Variants in NTMT1 observed in about 807,000 individuals in gnomAD.
NTMT1 encodes N-terminal Xaa-Pro-Lys N-methyltransferase 1.
A neutral mutation model predicts 17.5 loss-of-function variants in NTMT1; 8 were observed. The observed-to-expected ratio is 0.46, with a 90% CI of 0.27 to 0.82. The LOEUF (loss-of-function observed/expected upper bound fraction) is 0.82. Among genes scored for constraint, NTMT1 ranks in the 40% least tolerant of loss-of-function variants. The pLI is 0.15. For missense variants in NTMT1, 221 were observed against 303.5 expected (o/e 0.73, Z 2.02); for synonymous variants, 128 against 126.8 (o/e 1.01, Z -0.06).
rs189515089 is a variant in NTMT1 at position 129,632,920 on chromosome 9, G to A, written c.162+55G>A. On this transcript the variant is annotated intron_variant, in intron 2 of 3. Coordinates refer to ENST00000372483, the MANE Select transcript of NTMT1 (RefSeq NM_014064.4). ...AGGCTGTGGCTCTGGTGGCACTGCC[G>A]AGTCCATGTGGGGTGCCACCTTTTA... 3.0e-3 allele frequency: 4,732 copies of A among 1,576,270 alleles called. 11 individuals carry two copies. The highest frequency in any genetic ancestry group is 3.7e-3 in the Non-Finnish European group (4,229 of 1,154,116).
At chr9:129,625,632 G>A (rs1454723851), upstream of NTMT1, among the ~76,000 whole-genome samples, 1 of 152,182 alleles carries the variant, frequency 6.6e-6, no homozygotes, top group Non-Finnish European at 1.5e-5. Flanking sequence ...CTGGAAGGCC[G>A]AGGTGGAAGC....
intron 1 of NTMT1, among the ~76,000 whole-genome samples, chr9:129,629,974 C>G (rs1164402569): frequency 6.6e-6 from 1 of 152,194 alleles, no homozygotes; most frequent in Non-Finnish European, 1.5e-5. Flanking sequence ...GCAGGCTTCT[C>G]TCTAGGCACA....
intron 1 of NTMT1, among the ~76,000 whole-genome samples, chr9:129,631,815 C>T (rs1196357503): frequency 2.6e-5 from 4 of 152,202 alleles, no homozygotes; most frequent in African/African-American, 9.7e-5. Context: ...GTCCCCGCAC[C>T]CGACTCCACT....
chr9:129,619,750 G>A, intron 1 of NTMT1: 1 of 1,614,068 alleles, frequency 6.2e-7, no homozygotes. Flanking sequence ...CACAGGTCTG[G>A]GAGGAATGAA....
intron 1 of NTMT1, chr9:129,612,507 A>G: frequency 7.0e-7 from 1 of 1,419,164 alleles, no homozygotes; most frequent in Admixed American, 1.8e-5. Context: ...GGGGCAGGGG[A>G]CTGGGCTCCC....
chr9:129,615,556 G>A (rs538755244), intron 1 of NTMT1: 1 of 1,610,390 alleles, frequency 6.2e-7, no homozygotes, highest in African/African-American at 1.3e-5. Context: ...ACCCGGAAAG[G>A]GCAACGCTGC....
At position 129,635,976 on chromosome 9, in the gene NTMT1, G is replaced by T. The variant is rs1205207360; in HGVS notation, c.*512G>T. On this transcript the variant is annotated 3_prime_UTR_variant, in exon 4 of 4. Coordinates refer to ENST00000372483, the MANE Select transcript of NTMT1 (RefSeq NM_014064.4). Reference sequence around the variant, plus strand: ...GGTGCTCATGTGCCAAGTCCTGCTTGGCAGTGGAGACCTGGGGCCCTTAAA... The same window carrying T: ...GGTGCTCATGTGCCAAGTCCTGCTTTGCAGTGGAGACCTGGGGCCCTTAAA... 1 of 154,958 alleles carries T rather than the reference G, an allele frequency of 6.5e-6. No homozygotes were observed. The highest frequency in any genetic ancestry group is 1.4e-5 in the Non-Finnish European group (1 of 69,976). 9.6% of individuals were successfully genotyped at this position (154,958 alleles called of 1,614,324 possible).
rs370649118 is a variant in NTMT1, at chr9:129,610,949, C to G, written c.-55+1771C>G. Among the ~76,000 whole-genome samples the G allele has an allele frequency of 1.2e-4, 18 of 152,278 alleles. No homozygotes were observed. The East Asian group carries it at 1.5e-3, about 13-fold the overall frequency. The stretch of plus-strand genomic sequence containing the variant: ...CCTCGTCCTAGATGTGTCTCCACCC[C>G]CTTCCTTCCAGTTACCTCCAGAGTC... On this transcript the variant is annotated intron_variant, in intron 1 of 3. Transcript: ENST00000372486.
Position 129,632,792 on chromosome 9 carries a change from T to C in NTMT1, c.89T>C (p.Met30Thr). The C allele has an allele frequency of 1.2e-6, 2 of 1,614,164 alleles. No individual in the cohort carries two copies. The highest frequency in any genetic ancestry group is 1.1e-5 in the South Asian group (1 of 91,080). The change falls in exon 2 of 4, where the codon ATG (methionine) becomes ACG (threonine). Residue 30 changes from methionine (M) to threonine (T), a missense_variant. By Grantham distance (81) the Met-to-Thr change is moderately conservative. Transcript: ENST00000372483. ...WKQIPPTVDG[M>T]LGGYGHISSI... ...CAAATCCCACCCACGGTGGACGGCA[T>C]GCTTGGGGGGTATGGCCACATCTCC... is the stretch of plus-strand genomic sequence containing the variant.
rs890125721 is a variant in NTMT1 at position 129,620,450 on chromosome 9, G to C, written c.-55+11272G>C. On this transcript the variant is annotated intron_variant, in intron 1 of 3. Coordinates refer to the NTMT1 transcript ENST00000372486. This position sits in a 1 kb window ranked among gnomAD's most constrained non-coding sequence, Gnocchi z 5.8. ...CCCGGAGCCCCGCGCGCCCAGAGCC[G>C]CTCGGAGCGCGGGCGGGGTCAGCTT... The C allele has an allele frequency of 1.5e-6, 2 of 1,315,662 alleles. No homozygotes were observed. Among genetic ancestry groups the C allele is most frequent in the South Asian group, 2.0e-5 (1 of 50,054 alleles). 81.5% of individuals were successfully genotyped at this position (1,315,662 alleles called of 1,614,324 possible). A position where few individuals can be genotyped will look rare whatever the true frequency, so the allele number is the denominator to read the frequency against.
At chr9:129,633,499 A>C (rs1831311575) in intron 2 of NTMT1, 1 of 157,994 alleles carries the variant, frequency 6.3e-6, no homozygotes, top group Admixed American at 6.5e-5. Flanking sequence ...ATCACCTTTA[A>C]GTGGAAATTA....
At chr9:129,634,012 T>C (rs1216572933) in intron 2 of NTMT1, 42 bp from the exon 3 acceptor site, 1 of 1,588,746 alleles carries the variant, frequency 6.3e-7, no homozygotes, top group East Asian at 2.2e-5. Flanking sequence ...GCACGTGCGG[T>C]GACAGGGTCC....
At position 129,613,858 on chromosome 9, in the gene NTMT1, G is replaced by A. The variant is rs1830216341; in HGVS notation, c.-55+4680G>A. Among the ~76,000 whole-genome samples the A allele has an allele frequency of 6.6e-6, 1 of 152,212 alleles. No homozygotes were observed. The highest frequency in any genetic ancestry group is 1.5e-5 in the Non-Finnish European group (1 of 68,042). On this transcript the variant is annotated intron_variant, in intron 1 of 3. Transcript: ENST00000372486. The surrounding 1 kb of genome is among the most constrained non-coding windows in gnomAD (Gnocchi z 6.2). ...CCGGAAGCGTGCCCCCTTTCTCGCA[G>A]TGGGGAGACCACTTACCCCATCATA...
chr9:129,625,839 C>A (rs1243348244), upstream of NTMT1, among the ~76,000 whole-genome samples: 2 of 151,742 alleles, frequency 1.3e-5, no homozygotes, highest in African/African-American at 4.8e-5. Flanking sequence ...TGGTGAAAAC[C>A]CGTCTCTACT....
intron 1 of NTMT1, chr9:129,612,308 C>T: frequency 6.4e-7 from 1 of 1,558,058 alleles, no homozygotes; most frequent in South Asian, 1.1e-5. Flanking sequence ...TCCTCATTGC[C>T]TGGCCCATGT....
At position 129,613,566 on chromosome 9, in the gene NTMT1, G is replaced by A. The variant is rs139948871; in HGVS notation, c.-55+4388G>A. 2.5e-5 allele frequency: 40 copies of A among 1,614,012 alleles called. No individual in the cohort carries two copies. Among genetic ancestry groups the A allele is most frequent in the African/African-American group, 5.3e-5 (4 of 74,922 alleles). ...CCCGCTCGGACGCCACTGGCAGGGC[G>A]GCCTTCTGGTTCACAATGACGCTCT... is the stretch of plus-strand genomic sequence containing the variant. On this transcript the variant is annotated intron_variant, in intron 1 of 3. Coordinates refer to the NTMT1 transcript ENST00000372486. This position sits in a 1 kb window ranked among gnomAD's most constrained non-coding sequence, Gnocchi z 6.2.
At chr9:129,624,016 G>A (rs766042578), upstream of NTMT1, among the ~76,000 whole-genome samples, 6 of 152,002 alleles carry the variant, frequency 3.9e-5, no homozygotes, top group Admixed American at 1.3e-4. Context: ...GGATGGTCTC[G>A]ATCTCCTGCC....
At chr9:129,609,054 A>G (rs1238143) in exon 1 of NTMT1, 4,411 of 152,458 alleles carry the variant, frequency 0.029, 66 homozygotes, top group Admixed American at 0.045. Flanking sequence ...GGCTTCCCCA[A>G]CAACCAAAGG....
Position 129,635,647 on chromosome 9 carries a change from G to T in NTMT1, c.*183G>T. 2 of 749,130 alleles carry T rather than the reference G, an allele frequency of 2.7e-6. No individual in the cohort carries two copies. Among genetic ancestry groups the T allele is most frequent in the Non-Finnish European group, 4.3e-6 (2 of 460,642 alleles). 46.4% of individuals were successfully genotyped at this position (749,130 alleles called of 1,614,324 possible). On this transcript the variant is annotated 3_prime_UTR_variant, in exon 4 of 4. Transcript: ENST00000372483. ...GGCAAGGTGGGACCCGGCGGGGAGG[G>T]TGCTGCTGAACCAGCGGTGAGGCAG... is the stretch of plus-strand genomic sequence containing the variant.
Sources: gnomAD v4.1 joint callset for allele counts (sites outside exome capture counted in the v4.1 genomes callset) on GRCh38, gnomAD v4.1.1 for gene constraint, Gnocchi (gnomAD v3.1) non-coding constraint, MANE v1.5 for transcripts, NCBI Gene and HGNC (gene_info 2026-07-23, HGNC 2026-07-21) for gene names.